Variants in STAT5B observed in about 807,000 individuals in gnomAD.
STAT5B encodes the protein signal transducer and activator of transcription 5B.
A neutral mutation model predicts 107.8 loss-of-function variants in STAT5B; 21 were observed. The ratio of observed to expected loss-of-function variants is 0.19; its 90% confidence interval spans 0.14 to 0.28. The LOEUF (loss-of-function observed/expected upper bound fraction) is 0.28. Among genes scored for constraint, STAT5B ranks in the 10% least tolerant of loss-of-function variants. The pLI, the probability that STAT5B is intolerant of heterozygous loss-of-function variation, is 1.00. For missense variants in STAT5B, 565 were observed against 1,008.2 expected (o/e 0.56, Z 5.95); for synonymous variants, 325 against 401.7 (o/e 0.81, Z 2.28).
chr17:42,258,842 T>C (rs2080569790), intron 1 of STAT5B, among the ~76,000 whole-genome samples: 1 of 152,174 alleles, frequency 6.6e-6, no homozygotes, highest in Non-Finnish European at 1.5e-5. Flanking sequence ...TTAGGGAGGC[T>C]ACCACCTCAC....
At chr17:42,230,179 T>C (rs774000879) in intron 2 of STAT5B, among the ~76,000 whole-genome samples, 3 of 152,234 alleles carry the variant, frequency 2.0e-5, no homozygotes, top group Non-Finnish European at 4.4e-5. Context: ...TTGAGTTTTT[T>C]TTTAATTGCC....
intron 16 of STAT5B, among the ~76,000 whole-genome samples, chr17:42,203,780 C>A (rs1047914904): frequency 1.3e-5 from 2 of 152,030 alleles, no homozygotes; most frequent in African/African-American, 2.4e-5. Flanking sequence ...GTGCGCACCA[C>A]CATGCCCAGC....
At chr17:42,210,645 A>G (rs1438562023) in intron 13 of STAT5B, 148 bp from the exon 14 acceptor site, 1 of 768,060 alleles carries the variant, frequency 1.3e-6, no homozygotes, top group Admixed American at 2.0e-5. Flanking sequence ...AGTTTTACCT[A>G]ATGGCCCCAT....
At chr17:42,228,925 T>G (rs1402332070) in intron 2 of STAT5B, among the ~76,000 whole-genome samples, 1 of 152,100 alleles carries the variant, frequency 6.6e-6, no homozygotes, top group Non-Finnish European at 1.5e-5. Context: ...CAAAGCAAGA[T>G]TCTCTCTACG....
At position 42,202,042 on chromosome 17, in the gene STAT5B, T is replaced by TC. The variant is rs1366109710; in HGVS notation, c.2238-179dup. 9 of 660,264 alleles carry TC rather than the reference T, an allele frequency of 1.4e-5. No homozygotes were observed. The East Asian group carries it at 2.2e-4, about 16-fold the overall frequency. 40.9% of individuals were successfully genotyped at this position (660,264 alleles called of 1,614,324 possible). On this transcript the variant is annotated intron_variant, in intron 18 of 18. Transcript: ENST00000293328. ...TACAGCAACTCAGACTGAAATACCC[T>TC]CCCCTGTTACCTCTCACACCGGCTG...
chr17:42,280,262 G>A (rs1269141296), upstream of STAT5B, among the ~76,000 whole-genome samples: 5 of 152,084 alleles, frequency 3.3e-5, no homozygotes, highest in Admixed American at 6.5e-5. Flanking sequence ...AGGCTTGGGG[G>A]AAGAGCCTGG....
chr17:42,207,407 C>T (rs1191543763), intron 16 of STAT5B, 151 bp downstream of exon 16: 2 of 972,078 alleles, frequency 2.1e-6, no homozygotes, highest in Non-Finnish European at 3.2e-6. Flanking sequence ...TTTACATCTG[C>T]CCTGGAAAAT....
At chr17:42,264,609 G>A (rs929334895) in intron 1 of STAT5B, among the ~76,000 whole-genome samples, 1 of 152,034 alleles carries the variant, frequency 6.6e-6, no homozygotes, top group Non-Finnish European at 1.5e-5. Flanking sequence ...GTCTATCGTT[G>A]TTGGACATCT....
rs1598290421 is a variant in STAT5B, at chr17:42,200,219, A to T, written c.*1519T>A. 6.6e-6 allele frequency: 1 copy of T among 152,570 alleles called. No homozygotes were observed. Among genetic ancestry groups the T allele is most frequent in the East Asian group, 1.9e-4 (1 of 5,276 alleles). The allele number at this position is 152,570 out of a possible 1,614,324, so 9.5% of individuals were successfully genotyped here. On this transcript the variant is annotated 3_prime_UTR_variant, in exon 19 of 19. Coordinates refer to ENST00000293328, the MANE Select transcript of STAT5B (RefSeq NM_012448.4). ...TGATAAATTCAGAAGTTATTTTTGT[A>T]AAAAAAATATGTTTATTTACTCTCA...
rs371149930 is a variant in STAT5B, at chr17:42,265,377, C to CTTTTTTTTTTTTTTTTTT, written c.-11+10870_-11+10871insAAAAAAAAAAAAAAAAAA. Among the ~76,000 whole-genome samples, 236 of 110,504 alleles carry CTTTTTTTTTTTTTTTTTT rather than the reference C, an allele frequency of 2.1e-3. 29 individuals carry two copies. Among genetic ancestry groups the CTTTTTTTTTTTTTTTTTT allele is most frequent in the African/African-American group, 7.8e-3 (215 of 27,624 alleles). 72.5% of individuals were successfully genotyped at this position (110,504 alleles called of 152,430 possible). A position where few individuals can be genotyped will look rare whatever the true frequency, so the allele number is the denominator to read the frequency against. ...GCTAAGTCAAAGGGTATGTACTCTT[C>CTTTTTTTTTTTTTTTTTT]TTTTTTTTTTTTGAGACGAAGTCTC... On this transcript the variant is annotated intron_variant, in intron 1 of 18. Coordinates refer to ENST00000293328, the MANE Select transcript of STAT5B (RefSeq NM_012448.4).
chr17:42,238,515 C>T (rs1054488354), intron 1 of STAT5B, among the ~76,000 whole-genome samples: 1 of 144,464 alleles, frequency 6.9e-6, no homozygotes, highest in Non-Finnish European at 1.5e-5. Context: ...AGTGCAGTGG[C>T]GTGACCTGGG....
At position 42,211,977 on chromosome 17, in the gene STAT5B, T is replaced by C. The variant is rs778469957; in HGVS notation, c.1680+7A>G. 4 of 1,608,122 alleles carry C rather than the reference T, an allele frequency of 2.5e-6. No homozygotes were observed. The highest frequency in any genetic ancestry group is 3.4e-6 in the Non-Finnish European group (4 of 1,177,346). On this transcript the variant is annotated splice_region_variant and intron_variant, in intron 13 of 18. Coordinates refer to ENST00000293328, the MANE Select transcript of STAT5B (RefSeq NM_012448.4). ...ATCTAACAGCGGCTGGCAGCTGGGC[T>C]CCTCACCCTGTTGAACTGGGACCAG...
chr17:42,262,791 T>C (rs191838336), intron 1 of STAT5B, among the ~76,000 whole-genome samples: 17 of 116,168 alleles, frequency 1.5e-4, no homozygotes, highest in Admixed American at 2.4e-4. Flanking sequence ...TATATACACA[T>C]ATATATGTGT....
At chr17:42,212,224 A>G (rs972531539) in intron 12 of STAT5B, 34 bp from the exon 13 acceptor site, 1 of 1,614,052 alleles carries the variant, frequency 6.2e-7, no homozygotes, top group East Asian at 2.2e-5. Flanking sequence ...CTGATGAGAA[A>G]ACAGTTGCAT....
Position 42,210,271 on chromosome 17 carries a change from C to T in STAT5B, c.1806G>A (p.Gln602=). ...GCTTGTTAATGAGTAGGTCATGGGC[C>T]TGTTGCTTGTTTACAAACCCCAAAA... ...GAILGFVNKQ[Q]AHDLLINKPD... is the part of the protein sequence containing the mutation. Residue 602 remains glutamine, a synonymous_variant, in exon 15 of 19, where the codon CAG becomes CAA. Coordinates refer to ENST00000293328, the MANE Select transcript of STAT5B (RefSeq NM_012448.4). The T allele has an allele frequency of 6.2e-7, 1 of 1,614,150 alleles. No homozygotes were observed. Among genetic ancestry groups the T allele is most frequent in the Non-Finnish European group, 8.5e-7 (1 of 1,180,038 alleles).
chr17:42,221,242 G>A (rs1460869023), intron 5 of STAT5B, among the ~76,000 whole-genome samples: 1 of 152,190 alleles, frequency 6.6e-6, no homozygotes, highest in East Asian at 1.9e-4. Flanking sequence ...TATCTGCACG[G>A]CTACCTCAGG....
chr17:42,267,286 TA>T (rs1014694930), intron 1 of STAT5B, among the ~76,000 whole-genome samples: 7 of 149,304 alleles, frequency 4.7e-5, no homozygotes, highest in South Asian at 4.2e-4. Flanking sequence ...TCCTTCTACT[TA>T]AAAAAAAAAG....
At chr17:42,253,830 C>T (rs751806883) in intron 1 of STAT5B, among the ~76,000 whole-genome samples, 4 of 152,122 alleles carry the variant, frequency 2.6e-5, no homozygotes, top group Admixed American at 1.3e-4. Flanking sequence ...CGTGAGTCAC[C>T]GCGCCTGGCC....
chr17:42,262,934 G>GTATA (rs1177579162), intron 1 of STAT5B, among the ~76,000 whole-genome samples: 12 of 36,804 alleles, frequency 3.3e-4, no homozygotes, highest in African/African-American at 5.8e-4. Context: ...ATATATATAT[G>GTATA]TATATATATG....
Sources: allele counts gnomAD v4.1 joint callset (sites outside exome capture counted in the v4.1 genomes callset), GRCh38; gene constraint gnomAD v4.1.1; transcripts MANE v1.5; gene names NCBI Gene and HGNC (gene_info 2026-07-23, HGNC 2026-07-21).